Variants in EPB41 observed in about 807,000 individuals in gnomAD.
The protein encoded by EPB41 is protein 4.1.
In EPB41, 65 loss-of-function variants were observed where a neutral mutation model predicts 108.0. The observed-to-expected ratio is 0.60, with a 90% CI of 0.49 to 0.74. The LOEUF is 0.74. Ranked by LOEUF, EPB41 falls within the 30% of genes least tolerant of loss-of-function variation. The pLI, the probability that EPB41 is intolerant of heterozygous loss-of-function variation, is 0.00. For missense variants in EPB41, 875 were observed against 1,037.0 expected (o/e 0.84, Z 2.15); for synonymous variants, 336 against 358.9 (o/e 0.94, Z 0.72).
At chr1:28,951,552 A>G (rs2094722752) in intron 1 of EPB41, among the ~76,000 whole-genome samples, 2 of 152,128 alleles carry the variant, frequency 1.3e-5, no homozygotes, top group Admixed American at 1.3e-4. Context: ...TACTATGCAC[A>G]TTGTTTGAAA....
chr1:29,092,141 A>G (rs1029165388), intron 16 of EPB41, among the ~76,000 whole-genome samples: 2 of 122,166 alleles, frequency 1.6e-5, no homozygotes, highest in Non-Finnish European at 3.2e-5. Context: ...CATGTTGCCC[A>G]GGCTGGAGTG....
chr1:28,938,568 C>T (rs538416822), intron 1 of EPB41, among the ~76,000 whole-genome samples: 13 of 147,866 alleles, frequency 8.8e-5, no homozygotes, highest in African/African-American at 3.3e-4. Context: ...TATCTGGCTG[C>T]GTCATCCAGG....
chr1:28,953,659 G>A (rs1323151942), intron 1 of EPB41, among the ~76,000 whole-genome samples: 6 of 152,196 alleles, frequency 3.9e-5, no homozygotes, highest in Non-Finnish European at 8.8e-5. Context: ...TCCAATGAAG[G>A]TGACATTAGA....
At chr1:28,939,084 G>C (rs1452428739) in intron 1 of EPB41, among the ~76,000 whole-genome samples, 1 of 152,166 alleles carries the variant, frequency 6.6e-6, no homozygotes, top group African/African-American at 2.4e-5. Context: ...AAAACCTTCA[G>C]CCTTGCTCTG....
intron 16 of EPB41, chr1:29,070,876 C>T (rs1309615281): frequency 5.5e-6 from 2 of 364,334 alleles, no homozygotes; most frequent in South Asian, 2.8e-4. Flanking sequence ...AAGCATATGG[C>T]AGGTTGGTAA....
chr1:29,016,728 ATATAT>A (rs541674246), intron 6 of EPB41, among the ~76,000 whole-genome samples: 117 of 56,826 alleles, frequency 2.1e-3, no homozygotes, highest in Admixed American at 4.2e-3. Flanking sequence ...TGGAAAATCA[ATATAT>A]TATAAGTACT....
chr1:28,924,046 T>C (rs2093302461), intron 1 of EPB41, among the ~76,000 whole-genome samples: 1 of 152,212 alleles, frequency 6.6e-6, no homozygotes, highest in African/African-American at 2.4e-5. Flanking sequence ...TCCCTCTCCC[T>C]GGGACCACTA....
intron 1 of EPB41, among the ~76,000 whole-genome samples, chr1:28,951,391 CACACAA>C (rs145516962): frequency 7.5e-6 from 1 of 132,576 alleles, no homozygotes. Flanking sequence ...CACACACACA[CACACAA>C]ATGTGATGTG....
At chr1:29,006,213 C>T (rs11581096) in intron 4 of EPB41, among the ~76,000 whole-genome samples, 12,614 of 151,410 alleles carry the variant, frequency 0.083, 719 homozygotes, top group East Asian at 0.26. Flanking sequence ...AGGTGTAAAT[C>T]GTACATATAC....
At chr1:28,909,223 A>G (rs1165673232) in intron 1 of EPB41, among the ~76,000 whole-genome samples, 1 of 151,924 alleles carries the variant, frequency 6.6e-6, no homozygotes, top group African/African-American at 2.4e-5. Flanking sequence ...CGTTAGGTTG[A>G]GACATATGAA....
chr1:28,941,630 C>G (rs945482558), intron 1 of EPB41, among the ~76,000 whole-genome samples: 4 of 151,880 alleles, frequency 2.6e-5, no homozygotes, highest in Admixed American at 2.6e-4. Context: ...GCACAGTGGC[C>G]CACGCCAGTA....
intron 1 of EPB41, among the ~76,000 whole-genome samples, chr1:28,917,354 CA>C (rs2092756823): frequency 2.0e-5 from 3 of 152,066 alleles, no homozygotes; most frequent in South Asian, 4.1e-4. Flanking sequence ...GATCTCAGCT[CA>C]CTGCAACCTC....
At chr1:28,889,934 T>G (rs2089927097) in intron 1 of EPB41, 1 of 575,284 alleles carries the variant, frequency 1.7e-6, no homozygotes, top group South Asian at 7.5e-5. Flanking sequence ...GTTTGCAGAA[T>G]GGGCCTGTAT....
chr1:29,081,359 C>T (rs1205128937), intron 16 of EPB41, among the ~76,000 whole-genome samples: 1 of 152,162 alleles, frequency 6.6e-6, no homozygotes, highest in Non-Finnish European at 1.5e-5. Flanking sequence ...AGTATTGCCA[C>T]TCTAATCTTA....
At chr1:28,923,106 CTTTTCTTTTT>C (rs1252599898) in intron 1 of EPB41, among the ~76,000 whole-genome samples, 1 of 114,712 alleles carries the variant, frequency 8.7e-6, no homozygotes, top group Non-Finnish European at 1.7e-5. Context: ...CCTTTCTTTT[CTTTTCTTTTT>C]TTTTTTTTTT....
chr1:29,098,430 C>T (rs768823091), intron 17 of EPB41, among the ~76,000 whole-genome samples: 8 of 152,320 alleles, frequency 5.3e-5, no homozygotes, highest in Non-Finnish European at 1.0e-4. Flanking sequence ...CCGCTGACCT[C>T]GTGATCCGCC....
intron 1 of EPB41, among the ~76,000 whole-genome samples, chr1:28,971,188 T>TC (rs1378403449): frequency 1.5e-5 from 2 of 131,926 alleles, no homozygotes; most frequent in African/African-American, 6.0e-5. Flanking sequence ...TTCTTTTTTT[T>TC]TTTTTTTTTT....
upstream of EPB41, among the ~76,000 whole-genome samples, chr1:28,913,900 G>C (rs1417328985): frequency 3.3e-5 from 5 of 152,124 alleles, no homozygotes; most frequent in Admixed American, 3.3e-4. Flanking sequence ...ATAATGTTGA[G>C]ATTGCCAGGG....
intron 11 of EPB41, among the ~76,000 whole-genome samples, chr1:29,051,497 T>C (rs1207423167): frequency 1.3e-5 from 2 of 152,214 alleles, no homozygotes; most frequent in African/African-American, 4.8e-5. Flanking sequence ...CCTTACAGTT[T>C]ACAAATCTAA....
Sources: gnomAD v4.1 joint callset for allele counts (sites outside exome capture counted in the v4.1 genomes callset) on GRCh38, gnomAD v4.1.1 for gene constraint, MANE v1.5 for transcripts, NCBI Gene and HGNC (gene_info 2026-07-23, HGNC 2026-07-21) for gene names.